SPPL3: variants seen among roughly 807,000 people sequenced by gnomAD.
The protein encoded by SPPL3 is signal peptide peptidase-like 3.
A neutral mutation model predicts 42.4 loss-of-function variants in SPPL3; 5 were observed. The observed-to-expected ratio is 0.12, with a 90% CI of 0.06 to 0.25. The LOEUF (loss-of-function observed/expected upper bound fraction) is 0.25. Ranked by LOEUF, SPPL3 falls within the 10% of genes least tolerant of loss-of-function variation. SPPL3 has a pLI of 1.00. For synonymous variants in SPPL3, 195 were observed against 181.8 expected, an observed-to-expected ratio of 1.07 and a Z score of -0.58; for missense variants, 235 against 489.0, an observed-to-expected ratio of 0.48 and a Z score of 4.90.
intron 1 of SPPL3, chr12:120,835,673 A>C (rs1871594957): frequency 6.6e-6 from 1 of 152,212 alleles, no homozygotes; most frequent in Non-Finnish European, 1.5e-5. Context: ...TCATGTAAAA[A>C]GCTTAATGTA....
chr12:120,901,961 G>A (rs1873997687), intron 1 of SPPL3: 1 of 984,664 alleles, frequency 1.0e-6, no homozygotes, highest in Non-Finnish European at 1.2e-6. Flanking sequence ...GTACAGCACA[G>A]TAAAAACAGC....
chr12:120,883,013 T>C (rs2137059182), intron 1 of SPPL3, among the ~76,000 whole-genome samples: 1 of 152,164 alleles, frequency 6.6e-6, no homozygotes, highest in South Asian at 2.1e-4. Context: ...ATATAAAACT[T>C]AATTCTAGAG....
At chr12:120,807,871 C>T (rs1870552024) in intron 2 of SPPL3, among the ~76,000 whole-genome samples, 1 of 151,988 alleles carries the variant, frequency 6.6e-6, no homozygotes, top group Non-Finnish European at 1.5e-5. Context: ...GGAAAAAACA[C>T]CAACTTATTC....
chr12:120,833,668 AAAAAAAAAAAAAG>A (rs1379168815), intron 1 of SPPL3, among the ~76,000 whole-genome samples: 3,383 of 23,570 alleles, frequency 0.14, 138 homozygotes, highest in Non-Finnish European at 0.28. Context: ...CCATCTCTCC[AAAAAAAAAAAAAG>A]AAAAAAAAAA....
chr12:120,903,986 TGG>T lies in SPPL3; in HGVS notation c.-121_-120del. On this transcript the variant is annotated 5_prime_UTR_variant, in exon 1 of 11. Coordinates refer to ENST00000353487, the MANE Select transcript of SPPL3 (RefSeq NM_139015.5). ...GGTGCTTGCTTGCTTGCTCGCTCGCTGGCTCGCTGGCTGCACGGCGGGCCGGG... is the reference window on the plus strand; with the variant it reads ...GGTGCTTGCTTGCTTGCTCGCTCGCTCTCGCTGGCTGCACGGCGGGCCGGG... 1 of 844,244 alleles carries T rather than the reference TGG, an allele frequency of 1.2e-6. No individual in the cohort carries two copies. The highest frequency in any genetic ancestry group is 1.6e-6 in the Non-Finnish European group (1 of 639,154). 52.3% of individuals were successfully genotyped at this position (844,244 alleles called of 1,614,324 possible). A position where few individuals can be genotyped will look rare whatever the true frequency, so the allele number is the denominator to read the frequency against.
At chr12:120,775,861 A>G (rs1405137684) in intron 6 of SPPL3, among the ~76,000 whole-genome samples, 1 of 152,210 alleles carries the variant, frequency 6.6e-6, no homozygotes, top group East Asian at 1.9e-4. Context: ...TTCACTCTAA[A>G]TTAACTTCAA....
At chr12:120,870,497 C>T (rs1248795832) in intron 1 of SPPL3, among the ~76,000 whole-genome samples, 1 of 151,964 alleles carries the variant, frequency 6.6e-6, no homozygotes, top group Admixed American at 6.6e-5. Flanking sequence ...CTGGGAAGAA[C>T]AGAAAGCAGA....
chr12:120,888,524 T>G (rs972701462), intron 1 of SPPL3, among the ~76,000 whole-genome samples: 1 of 152,160 alleles, frequency 6.6e-6, no homozygotes, highest in Non-Finnish European at 1.5e-5. Context: ...GGATGAGCCT[T>G]AAAAACACTG....
intron 1 of SPPL3, among the ~76,000 whole-genome samples, chr12:120,844,349 CCTAA>C (rs1009695493): frequency 6.6e-6 from 1 of 152,184 alleles, no homozygotes; most frequent in African/African-American, 2.4e-5. Context: ...GCAATAGTCT[CCTAA>C]CTAGTCTTAC....
intron 1 of SPPL3, among the ~76,000 whole-genome samples, chr12:120,867,686 G>A (rs539981830): frequency 1.3e-5 from 2 of 150,614 alleles, no homozygotes; most frequent in African/African-American, 2.4e-5. Context: ...ATACTTAATG[G>A]TGCTGAGAAG....
intron 7 of SPPL3, 133 bp from the exon 8 acceptor site, chr12:120,768,621 A>G: frequency 1.8e-6 from 2 of 1,090,592 alleles, no homozygotes; most frequent in East Asian, 2.5e-5. Flanking sequence ...GTATGATTTG[A>G]GAAAATCTTT....
intron 1 of SPPL3, among the ~76,000 whole-genome samples, chr12:120,877,343 C>T (rs1180249132): frequency 6.6e-6 from 1 of 151,574 alleles, no homozygotes; most frequent in African/African-American, 2.4e-5. Context: ...GGACAGAAAA[C>T]ACTTCCCAAC....
At chr12:120,850,740 T>C (rs889459276) in intron 1 of SPPL3, among the ~76,000 whole-genome samples, 6 of 152,370 alleles carry the variant, frequency 3.9e-5, no homozygotes, top group East Asian at 1.9e-4. Flanking sequence ...ATCGGTTTTA[T>C]AGGGCTGGTT....
intron 2 of SPPL3, among the ~76,000 whole-genome samples, chr12:120,798,313 T>C (rs1254066578): frequency 1.3e-5 from 2 of 152,216 alleles, no homozygotes; most frequent in African/African-American, 4.8e-5. Flanking sequence ...GAAGACACAT[T>C]AGCAGAGATT....
chr12:120,869,675 C>CT (rs1417840612), intron 1 of SPPL3, among the ~76,000 whole-genome samples: 1 of 152,210 alleles, frequency 6.6e-6, no homozygotes, highest in Non-Finnish European at 1.5e-5. Context: ...CTACTATTTA[C>CT]TTCTTATGTT....
chr12:120,838,950 C>T (rs910537527), intron 1 of SPPL3, among the ~76,000 whole-genome samples: 1 of 152,062 alleles, frequency 6.6e-6, no homozygotes, highest in Admixed American at 6.5e-5. Flanking sequence ...GTCAGTGTGG[C>T]GATTCCTCAG....
chr12:120,844,822 A>G (rs189696482), intron 1 of SPPL3, among the ~76,000 whole-genome samples: 163 of 151,812 alleles, frequency 1.1e-3, no homozygotes, highest in South Asian at 2.9e-3. Flanking sequence ...ACGGGCCTAC[A>G]TCCCCTCTCA....
At chr12:120,790,985 G>T (rs1386748690) in intron 3 of SPPL3, among the ~76,000 whole-genome samples, 1 of 152,080 alleles carries the variant, frequency 6.6e-6, no homozygotes, top group African/African-American at 2.4e-5. Context: ...ACCACACCTG[G>T]CTGATTTTGT....
At chr12:120,885,094 C>A (rs1873411877) in intron 1 of SPPL3, among the ~76,000 whole-genome samples, 1 of 152,052 alleles carries the variant, frequency 6.6e-6, no homozygotes, top group Admixed American at 6.6e-5. Flanking sequence ...CTTTGTAATA[C>A]CAACAAATCA....
Sources: allele counts gnomAD v4.1 joint callset (sites outside exome capture counted in the v4.1 genomes callset), GRCh38; gene constraint gnomAD v4.1.1; transcripts MANE v1.5; gene names NCBI Gene and HGNC (gene_info 2026-07-23, HGNC 2026-07-21).